Variants in HS1BP3 observed in about 807,000 individuals in gnomAD.
HS1BP3 encodes the protein HCLS1 binding protein 3.
A neutral mutation model predicts 33.5 loss-of-function variants in HS1BP3; 32 were observed. The observed-to-expected ratio is 0.95, with a 90% CI of 0.72 to 1.28. The LOEUF (loss-of-function observed/expected upper bound fraction) is 1.28. Among genes scored for constraint, HS1BP3 ranks in the 50% most tolerant of loss-of-function variants. The pLI is 0.00. For missense variants in HS1BP3, 486 were observed against 502.3 expected, an observed-to-expected ratio of 0.97 and a Z score of 0.31; for synonymous variants, 187 against 209.2, an observed-to-expected ratio of 0.89 and a Z score of 0.92.
chr2:20,557,533 T>A (rs1692869357), downstream of HS1BP3, among the ~76,000 whole-genome samples: 1 of 152,208 alleles, frequency 6.6e-6, no homozygotes, highest in African/African-American at 2.4e-5. Context: ...CTTTGTCATG[T>A]TGATAGGGAT....
chr2:20,569,994 T>C (rs1046805721), intron 5 of HS1BP3, among the ~76,000 whole-genome samples: 1 of 152,192 alleles, frequency 6.6e-6, no homozygotes, highest in African/African-American at 2.4e-5. Context: ...GCCCAGGGCT[T>C]TTCTGGCCTC....
intron 2 of HS1BP3, among the ~76,000 whole-genome samples, chr2:20,603,324 C>T (rs1192933562): frequency 1.3e-5 from 2 of 152,108 alleles, no homozygotes; most frequent in Non-Finnish European, 2.9e-5. Flanking sequence ...TGAAAAAAAG[C>T]CAAATGCTTA....
At chr2:20,597,307 A>C (rs769389017) in intron 3 of HS1BP3, among the ~76,000 whole-genome samples, 12 of 152,204 alleles carry the variant, frequency 7.9e-5, no homozygotes, top group Non-Finnish European at 1.8e-4. Flanking sequence ...TTGGACTAGC[A>C]AAGTGTCCTC....
chr2:20,597,827 T>C (rs1007659863), intron 3 of HS1BP3, among the ~76,000 whole-genome samples: 4 of 152,202 alleles, frequency 2.6e-5, no homozygotes, highest in Non-Finnish European at 5.9e-5. Context: ...GCTTCCTGTT[T>C]CCCAGCCCGT....
At chr2:20,642,246 C>T (rs1225494484) in intron 2 of HS1BP3, among the ~76,000 whole-genome samples, 1 of 152,216 alleles carries the variant, frequency 6.6e-6, no homozygotes, top group Non-Finnish European at 1.5e-5. Flanking sequence ...GCATCTGACG[C>T]CCTCGGGCTC....
intron 3 of HS1BP3, among the ~76,000 whole-genome samples, chr2:20,596,624 T>C (rs535865157): frequency 1.3e-5 from 2 of 152,352 alleles, no homozygotes; most frequent in South Asian, 2.1e-4. Flanking sequence ...TCACCCAGTC[T>C]ATGGCAGTTT....
At chr2:20,617,609 C>T (rs1186320563), downstream of HS1BP3, among the ~76,000 whole-genome samples, 1 of 150,466 alleles carries the variant, frequency 6.6e-6, no homozygotes, top group East Asian at 2.0e-4. Context: ...CCCGCACCAT[C>T]AGCCGGGGGC....
chr2:20,603,061 A>C (rs911912480), intron 2 of HS1BP3, among the ~76,000 whole-genome samples: 6 of 152,250 alleles, frequency 3.9e-5, no homozygotes, highest in East Asian at 1.9e-4. Context: ...GCTATCATTA[A>C]AAAGACAGAT....
Position 20,638,596 on chromosome 2 carries a change from C to T in HS1BP3, c.463G>A (p.Gly155Ser), listed in dbSNP as rs1211036616. ...LTSRDSSVLDGTDSQTGNDEE... is the reference protein window; with the variant it reads ...LTSRDSSVLDSTDSQTGNDEE... The stretch of plus-strand genomic sequence containing the variant: ...TCATTCCCTGTCTGACTGTCTGTGC[C>T]ATCCAGGACAGAGGAATCTCTGCTG... The change falls in exon 4 of 7, where the codon GGC (glycine) becomes AGC (serine). Residue 155 changes from glycine to serine, a missense_variant. Coordinates refer to ENST00000304031, the MANE Select transcript of HS1BP3 (RefSeq NM_022460.4). 2.5e-6 allele frequency: 4 copies of T among 1,614,114 alleles called. No homozygotes were observed.
In HS1BP3 at chr2:20,624,773, A is replaced by G; in HGVS notation, c.743T>C (p.Leu248Pro). The G allele has an allele frequency of 6.2e-7, 1 of 1,612,574 alleles. No homozygotes were observed. Among genetic ancestry groups the G allele is most frequent in the Non-Finnish European group, 8.5e-7 (1 of 1,179,124 alleles). ...GTCCTCCGAGGGGTCCTGTGGAGACAGCTTCCTGCCCGGGCCAAAGAGCCC... is the reference window on the plus strand; with the variant it reads ...GTCCTCCGAGGGGTCCTGTGGAGACGGCTTCCTGCCCGGGCCAAAGAGCCC... ...DEGLFGPGRK[L>P]SPQDPSEDVS... is the part of the protein sequence containing the mutation. Residue 248 changes from leucine to proline, a missense_variant, in exon 5 of 7, where the codon CTG (leucine) becomes CCG (proline). Physicochemically the swap from Leu to Pro is moderately conservative, Grantham distance 98. Transcript: ENST00000304031.
intron 4 of HS1BP3, among the ~76,000 whole-genome samples, chr2:20,632,176 C>T (rs1020466884): frequency 1.3e-5 from 2 of 152,254 alleles, no homozygotes; most frequent in Non-Finnish European, 2.9e-5. Flanking sequence ...TCCCTTTCAT[C>T]TGCTTCAAAG....
Position 20,645,323 on chromosome 2 carries a change from C to A in HS1BP3, c.198+17G>T. 1 of 1,610,800 alleles carries A rather than the reference C, an allele frequency of 6.2e-7. No homozygotes were observed. Among genetic ancestry groups the A allele is most frequent in the Non-Finnish European group, 8.5e-7 (1 of 1,178,394 alleles). On this transcript the variant is annotated intron_variant, in intron 2 of 6. Coordinates refer to ENST00000304031, the MANE Select transcript of HS1BP3 (RefSeq NM_022460.4). ...CCGGGCACCCTCGAAACATCCTGGC[C>A]AGAGCCTCCGGCTCACCAAGAACTG...
intron 2 of HS1BP3, among the ~76,000 whole-genome samples, chr2:20,643,405 C>T (rs907390575): frequency 1.3e-5 from 2 of 152,180 alleles, no homozygotes; most frequent in Non-Finnish European, 2.9e-5. Flanking sequence ...TCTTCTGCTC[C>T]TGTCTCTGAA....
intron 4 of HS1BP3, among the ~76,000 whole-genome samples, chr2:20,632,635 A>G (rs537400272): frequency 6.6e-6 from 1 of 152,334 alleles, no homozygotes; most frequent in African/African-American, 2.4e-5. Context: ...TACTTGCCAG[A>G]ACTTGCCACA....
chr2:20,640,962 G>A lies in HS1BP3; in HGVS notation c.406+11C>T, dbSNP rs1286592386. ...GGAGACCTGAGGGACATGGGGCAGA[G>A]CCTTGGGTACCTAAGAACTCTAGCA... On this transcript the variant is annotated intron_variant, in intron 3 of 6. Coordinates refer to ENST00000304031, the MANE Select transcript of HS1BP3 (RefSeq NM_022460.4). The A allele has an allele frequency of 6.2e-7, 1 of 1,613,872 alleles. No individual in the cohort carries two copies. The highest frequency in any genetic ancestry group is 2.2e-5 in the East Asian group (1 of 44,878).
At chr2:20,567,814 C>T (rs189684528) in intron 5 of HS1BP3, among the ~76,000 whole-genome samples, 51 of 152,344 alleles carry the variant, frequency 3.3e-4, no homozygotes, top group African/African-American at 1.2e-3. Context: ...GTGTCCCTTC[C>T]GTGCCAGTGG....
chr2:20,609,831 C>A (rs1014391805), intron 2 of HS1BP3, among the ~76,000 whole-genome samples: 19 of 152,124 alleles, frequency 1.2e-4, no homozygotes, highest in Non-Finnish European at 2.6e-4. Context: ...TCAGAGGGTG[C>A]CCCCAGCCCC....
Position 20,641,146 on chromosome 2 carries a change from T to C in HS1BP3, c.233A>G (p.Tyr78Cys). ...TGCATAACGACTGCTCAGTTTCTGGTAAAACTCCTCAATCTCGCTGTACTT... is the reference window on the plus strand; with the variant it reads ...TGCATAACGACTGCTCAGTTTCTGGCAAAACTCCTCAATCTCGCTGTACTT... ...SKKYSEIEEF[Y>C]QKLSSRYAAA... is the part of the protein sequence containing the mutation. Residue 78 changes from tyrosine to cysteine, a missense_variant, in exon 3 of 7, where the codon TAC becomes TGC. Physicochemically the swap from Tyr to Cys is radical, Grantham distance 194 (BLOSUM62 -2). Transcript: ENST00000304031. 1.9e-6 allele frequency: 3 copies of C among 1,610,454 alleles called. No individual in the cohort carries two copies. The highest frequency in any genetic ancestry group is 2.5e-6 in the Non-Finnish European group (3 of 1,179,972).
chr2:20,577,857 T>C (rs4666429), intron 5 of HS1BP3, among the ~76,000 whole-genome samples: 125,665 of 152,228 alleles, frequency 0.83, 53,407 homozygotes, highest in Non-Finnish European at 0.92. Context: ...GGTTCTGTTA[T>C]ACTGATCAGA....
Sources: gnomAD v4.1 joint callset for allele counts (sites outside exome capture counted in the v4.1 genomes callset) on GRCh38, gnomAD v4.1.1 for gene constraint, MANE v1.5 for transcripts, NCBI Gene and HGNC (gene_info 2026-07-23, HGNC 2026-07-21) for gene names.